The following AOPEP variants were observed in gnomAD, a reference collection of about 807,000 sequenced individuals.
AOPEP encodes the protein aminopeptidase O (putative).
Under a neutral mutation model 98.1 loss-of-function variants are expected in AOPEP, and 77 were observed. The ratio of observed to expected loss-of-function variants is 0.78; its 90% CI spans 0.65 to 0.95. The LOEUF (loss-of-function observed/expected upper bound fraction) is 0.95, where lower values mean the gene tolerates loss of function less well. Among genes scored for constraint, AOPEP ranks in the 40% least tolerant of loss-of-function variants. The pLI, the probability that AOPEP is intolerant of heterozygous loss-of-function variation, is 0.00. For synonymous variants in AOPEP, 346 were observed against 365.3 expected (o/e 0.95, Z 0.60); for missense variants, 1,024 against 1,024.7 (o/e 1.00, Z 0.01).
At position 94,961,013 on chromosome 9, in the gene AOPEP, C is replaced by CAA. The variant is rs71496990; in HGVS notation, c.1872+5013_1872+5014dup. ...TGGGCGACAGAGCGAGAATCTGTCT[C>CAA]AAAAAAAAAAAAAAAAGAATGCTTG... On this transcript the variant is annotated intron_variant, in intron 9 of 16. Coordinates refer to ENST00000375315, the MANE Select transcript of AOPEP (RefSeq NM_001193329.3). Among the ~76,000 whole-genome samples, 1,094 of 118,710 alleles carry CAA rather than the reference C, an allele frequency of 9.2e-3. 40 individuals carry two copies. Among genetic ancestry groups the CAA allele is most frequent in the African/African-American group, 0.03 (946 of 31,974 alleles). 77.9% of individuals were successfully genotyped at this position (118,710 alleles called of 152,430 possible).
At chr9:94,879,018 G>T (rs986674110) in intron 5 of AOPEP, among the ~76,000 whole-genome samples, 2 of 152,196 alleles carry the variant, frequency 1.3e-5, no homozygotes, top group African/African-American at 4.8e-5. Context: ...CTTGTGCTGA[G>T]TCAGTTCCTG....
At chr9:94,735,510 G>A (rs999387738) in intron 1 of AOPEP, among the ~76,000 whole-genome samples, 1 of 152,144 alleles carries the variant, frequency 6.6e-6, no homozygotes, top group African/African-American at 2.4e-5. Context: ...GTGAGCCACC[G>A]CGCCCGGCCA....
intron 7 of AOPEP, among the ~76,000 whole-genome samples, chr9:94,954,063 C>G (rs573480377): frequency 6.6e-6 from 1 of 152,286 alleles, no homozygotes; most frequent in African/African-American, 2.4e-5. Context: ...TGGCTCACAC[C>G]TGTAATCCCA....
At chr9:95,093,907 G>C in the AOPEP span, among the ~76,000 whole-genome samples, 1 of 152,218 alleles carries the variant, frequency 6.6e-6, no homozygotes, top group Non-Finnish European at 1.5e-5. Context: ...CGGCCTCTCT[G>C]TGTTTGCATT....
At chr9:94,962,034 G>A (rs1343476858) in intron 9 of AOPEP, among the ~76,000 whole-genome samples, 1 of 152,180 alleles carries the variant, frequency 6.6e-6, no homozygotes, top group Non-Finnish European at 1.5e-5. Context: ...AGGGGAGGAG[G>A]AGAGAAGCTC....
intron 10 of AOPEP, among the ~76,000 whole-genome samples, chr9:94,974,822 G>A (rs1318618581): frequency 6.6e-6 from 1 of 152,194 alleles, no homozygotes; most frequent in East Asian, 1.9e-4. Context: ...AAAAGCTGGG[G>A]TTTCATAGCC....
chr9:95,034,362 C>T (rs2064589037), intron 13 of AOPEP, among the ~76,000 whole-genome samples: 1 of 152,148 alleles, frequency 6.6e-6, no homozygotes, highest in Non-Finnish European at 1.5e-5. Context: ...TCCTTCCTTG[C>T]AATATAGGTG....
At chr9:94,800,166 C>A (rs979770410) in intron 4 of AOPEP, among the ~76,000 whole-genome samples, 1 of 152,122 alleles carries the variant, frequency 6.6e-6, no homozygotes, top group Non-Finnish European at 1.5e-5. Context: ...CCTCTGTATT[C>A]CTTAATAACA....
Position 94,930,196 on chromosome 9 carries a change from A to T in AOPEP, c.1661+1665A>T, listed in dbSNP as rs76965135. Among the ~76,000 whole-genome samples the T allele has an allele frequency of 0.014, 2,142 of 152,326 alleles. 61 individuals carry two copies. Among genetic ancestry groups the T allele is most frequent in the African/African-American group, 0.049 (2,017 of 41,552 alleles). On this transcript the variant is annotated intron_variant, in intron 7 of 16. Transcript: ENST00000375315. This position sits in a 1 kb window ranked among gnomAD's most constrained non-coding sequence, Gnocchi z 4.5. ...CCCTGGAGTGCCTGTGACAGATGCAAGACGCAGACCTATTTGAAATGTGTT... is the reference window on the plus strand; with the variant it reads ...CCCTGGAGTGCCTGTGACAGATGCATGACGCAGACCTATTTGAAATGTGTT...
the AOPEP span, chr9:95,111,533 G>A: frequency 1.8e-5 from 29 of 1,614,044 alleles, 1 homozygote; most frequent in African/African-American, 1.9e-4. Flanking sequence ...CAGCAGGGCC[G>A]TGGGGGGTTC....
At chr9:94,801,524 C>G (rs752572562) in intron 5 of AOPEP, among the ~76,000 whole-genome samples, 15 of 152,212 alleles carry the variant, frequency 9.9e-5, no homozygotes, top group Admixed American at 2.0e-4. Context: ...TCTATCCCTA[C>G]TGCTAGAAAA....
chr9:94,819,060 G>T (rs1852365699), intron 5 of AOPEP, among the ~76,000 whole-genome samples: 1 of 152,164 alleles, frequency 6.6e-6, no homozygotes, highest in African/African-American at 2.4e-5. Flanking sequence ...AGGGATTTGG[G>T]ATCCCACCTG....
At chr9:94,931,893 C>G in intron 7 of AOPEP, 3 of 1,231,234 alleles carry the variant, frequency 2.4e-6, no homozygotes, top group East Asian at 2.6e-5. Flanking sequence ...CCTTCCTCAC[C>G]TCTCTTGCTG....
chr9:94,957,008 G>T (rs1018172262), intron 9 of AOPEP, among the ~76,000 whole-genome samples: 15 of 152,076 alleles, frequency 9.9e-5, no homozygotes, highest in Admixed American at 7.2e-4. Flanking sequence ...TTCGAAAACT[G>T]GTTCAGAAGT....
chr9:94,754,272 A>G (rs1178055709), intron 1 of AOPEP, among the ~76,000 whole-genome samples: 1 of 152,208 alleles, frequency 6.6e-6, no homozygotes, highest in Non-Finnish European at 1.5e-5. Context: ...AGTGTATTTC[A>G]GCAAATACAC....
intron 5 of AOPEP, among the ~76,000 whole-genome samples, chr9:94,863,661 C>G (rs1299354088): frequency 6.6e-6 from 1 of 152,158 alleles, no homozygotes; most frequent in East Asian, 1.9e-4. Context: ...AGTGATCCAC[C>G]CGCCTCGGCC....
chr9:95,136,121 T>A, the AOPEP span, among the ~76,000 whole-genome samples: 27 of 152,206 alleles, frequency 1.8e-4, no homozygotes, highest in Admixed American at 1.8e-3. Context: ...CCAGATGCAG[T>A]GGCTCACACC....
chr9:95,107,644 C>T, the AOPEP span: 10 of 389,536 alleles, frequency 2.6e-5, no homozygotes, highest in South Asian at 5.0e-5. Flanking sequence ...TAAAGCCCCA[C>T]GCAGTCAGAC....
rs1168453134 is a variant in AOPEP at position 94,860,033 on chromosome 9, C to T, written c.1364+59031C>T. ...AACAAATATTCTCAAAAATGGAGTACGACAAACTGGTCAGTCCTGTGTGGG... is the reference window on the plus strand; with the variant it reads ...AACAAATATTCTCAAAAATGGAGTATGACAAACTGGTCAGTCCTGTGTGGG... On this transcript the variant is annotated intron_variant, in intron 5 of 16. Coordinates refer to ENST00000375315, the MANE Select transcript of AOPEP (RefSeq NM_001193329.3). Among the ~76,000 whole-genome samples the T allele has an allele frequency of 3.3e-5, 5 of 152,132 alleles. No individual in the cohort carries two copies. In the East Asian group the frequency reaches 5.8e-4, roughly 18 times the overall value.
Sources: allele counts gnomAD v4.1 joint callset (sites outside exome capture counted in the v4.1 genomes callset), GRCh38; gene constraint gnomAD v4.1.1; non-coding constraint Gnocchi (gnomAD v3.1); transcripts MANE v1.5; gene names NCBI Gene and HGNC (gene_info 2026-07-23, HGNC 2026-07-21).